Variants in MDGA2 observed in about 807,000 individuals in gnomAD.
MDGA2 encodes MAM domain containing glycosylphosphatidylinositol anchor 2.
Under a neutral mutation model 117.8 loss-of-function variants are expected in MDGA2, and 40 were observed. The ratio of observed to expected loss-of-function variants is 0.34; its 90% CI spans 0.26 to 0.44. The LOEUF is 0.44. Among genes scored for constraint, MDGA2 ranks in the 20% least tolerant of loss-of-function variants. MDGA2 has a pLI of 1.00. For missense variants in MDGA2, 1,123 were observed against 1,250.6 expected, an observed-to-expected ratio of 0.90 and a Z score of 1.54; for synonymous variants, 452 against 439.0, an observed-to-expected ratio of 1.03 and a Z score of -0.37.
chr14:47,062,000 T>G (rs1282508257), intron 6 of MDGA2, among the ~76,000 whole-genome samples: 1 of 152,026 alleles, frequency 6.6e-6, no homozygotes, highest in Non-Finnish European at 1.5e-5. Context: ...ATTGTATAAT[T>G]TTCCAAACAA....
intron 2 of MDGA2, among the ~76,000 whole-genome samples, chr14:47,285,485 T>C (rs1284062818): frequency 2.6e-5 from 4 of 152,162 alleles, no homozygotes; most frequent in African/African-American, 9.7e-5. Flanking sequence ...TATGTTCCAA[T>C]GACTTGAGAT....
intron 6 of MDGA2, among the ~76,000 whole-genome samples, chr14:47,064,055 T>C (rs894428577): frequency 6.6e-6 from 1 of 152,024 alleles, no homozygotes; most frequent in Non-Finnish European, 1.5e-5. Context: ...TTATAGAATA[T>C]TTATTCATAA....
At chr14:47,510,137 C>T (rs1358104192) in intron 1 of MDGA2, among the ~76,000 whole-genome samples, 2 of 152,064 alleles carry the variant, frequency 1.3e-5, no homozygotes, top group Non-Finnish European at 2.9e-5. Flanking sequence ...GCAGAGCCCT[C>T]CTGAATGGGA....
intron 1 of MDGA2, among the ~76,000 whole-genome samples, chr14:47,401,503 C>T (rs191347012): frequency 6.6e-6 from 1 of 152,134 alleles, no homozygotes; most frequent in African/African-American, 2.4e-5. Flanking sequence ...GAGGTACTCA[C>T]CAAAAGGCTT....
chr14:47,079,676 A>G (rs1470759663), intron 6 of MDGA2, among the ~76,000 whole-genome samples: 1 of 148,946 alleles, frequency 6.7e-6, no homozygotes, highest in Non-Finnish European at 1.5e-5. Context: ...TTGACAAAAT[A>G]TGAATGTTGT....
At chr14:47,561,158 G>GGTTTTTTTTTTTTTTTTTT (rs1566515949) in intron 1 of MDGA2, among the ~76,000 whole-genome samples, 2 of 55,076 alleles carry the variant, frequency 3.6e-5, no homozygotes, top group Non-Finnish European at 8.7e-5. Context: ...TTTTTGTTTT[G>GGTTTTTTTTTTTTTTTTTT]TTTTGTTTTT....
At chr14:47,540,563 T>TATATATATATACACACAC (rs370481455) in intron 1 of MDGA2, among the ~76,000 whole-genome samples, 23 of 112,538 alleles carry the variant, frequency 2.0e-4, no homozygotes, top group African/African-American at 6.1e-4. Context: ...TGTATATATA[T>TATATATATATACACACAC]ACACACACAC....
intron 1 of MDGA2, among the ~76,000 whole-genome samples, chr14:47,620,486 C>G (rs760458501): frequency 2.6e-5 from 4 of 152,184 alleles, no homozygotes; most frequent in Non-Finnish European, 2.9e-5. Context: ...TACTTTCCAT[C>G]TAATAATAGA....
At chr14:47,236,027 T>C (rs1297732222) in intron 2 of MDGA2, among the ~76,000 whole-genome samples, 1 of 152,046 alleles carries the variant, frequency 6.6e-6, no homozygotes, top group East Asian at 1.9e-4. Flanking sequence ...AAAAACACTG[T>C]GGGGCCTGTA....
At chr14:46,860,409 A>G (rs1360044676) in intron 14 of MDGA2, among the ~76,000 whole-genome samples, 1 of 152,014 alleles carries the variant, frequency 6.6e-6, no homozygotes, top group African/African-American at 2.4e-5. Context: ...CAGAAATAAA[A>G]TGTACTTTAT....
intron 9 of MDGA2, among the ~76,000 whole-genome samples, chr14:46,950,530 G>A (rs1885335737): frequency 2.0e-5 from 3 of 151,828 alleles, no homozygotes; most frequent in South Asian, 4.1e-4. Flanking sequence ...CTCATAAGCT[G>A]GCTAAAATAC....
chr14:47,088,228 T>A (rs765136962), intron 6 of MDGA2, among the ~76,000 whole-genome samples: 1 of 151,598 alleles, frequency 6.6e-6, no homozygotes, highest in African/African-American at 2.4e-5. Flanking sequence ...TTTTTAGATT[T>A]TATATGGCCT....
At chr14:47,035,417 C>T (rs930731521) in intron 7 of MDGA2, 113 bp from the exon 8 acceptor site, 22 of 811,018 alleles carry the variant, frequency 2.7e-5, no homozygotes, top group South Asian at 1.6e-4. Context: ...TGTGACAATT[C>T]GGATGATCAA....
intron 16 of MDGA2, among the ~76,000 whole-genome samples, chr14:46,844,641 G>A (rs1880750227): frequency 6.6e-6 from 1 of 152,086 alleles, no homozygotes; most frequent in South Asian, 2.1e-4. Context: ...CTGGACGAAT[G>A]AAAGCATCTA....
intron 1 of MDGA2, among the ~76,000 whole-genome samples, chr14:47,611,644 A>G (rs1257501636): frequency 6.6e-6 from 1 of 152,136 alleles, no homozygotes; most frequent in African/African-American, 2.4e-5. Flanking sequence ...GCCAATCAAA[A>G]CCACAATGTG....
In MDGA2 at chr14:46,957,652, A is replaced by G; in HGVS notation, c.1820-9T>C. 6.2e-7 allele frequency: 1 copy of G among 1,613,570 alleles called. No homozygotes were observed. The highest frequency in any genetic ancestry group is 1.3e-5 in the African/African-American group (1 of 75,010). On this transcript the variant is annotated splice_polypyrimidine_tract_variant and intron_variant, in intron 8 of 16. Coordinates refer to ENST00000399232, the MANE Select transcript of MDGA2 (RefSeq NM_001113498.3). ...TTCCACTGCAGGGGGATCTGTAGAA[A>G]AGATATGTAAAAACAGATGAAAGAT...
At chr14:46,928,714 A>T (rs979322793) in intron 9 of MDGA2, among the ~76,000 whole-genome samples, 9 of 152,074 alleles carry the variant, frequency 5.9e-5, no homozygotes, top group African/African-American at 2.2e-4. Flanking sequence ...CTGCTTTCCA[A>T]TTGTTATCTA....
chr14:47,053,629 A>G (rs1305799646), intron 7 of MDGA2, among the ~76,000 whole-genome samples: 19 of 102,320 alleles, frequency 1.9e-4, no homozygotes, highest in South Asian at 8.4e-4. Context: ...ATATATATAT[A>G]TATATATATA....
intron 1 of MDGA2, among the ~76,000 whole-genome samples, chr14:47,359,785 G>A (rs1376780588): frequency 3.4e-5 from 5 of 146,906 alleles, no homozygotes; most frequent in South Asian, 2.2e-4. Context: ...AAAAAAACAT[G>A]ATGAAAGAAA....
Sources: gnomAD v4.1 joint callset for allele counts (sites outside exome capture counted in the v4.1 genomes callset) on GRCh38, gnomAD v4.1.1 for gene constraint, MANE v1.5 for transcripts, NCBI Gene and HGNC (gene_info 2026-07-23, HGNC 2026-07-21) for gene names.